Variants in WWOX observed in about 807,000 individuals in gnomAD.
The protein encoded by WWOX is WW domain containing oxidoreductase, also known as WW domain-containing oxidoreductase.
A neutral mutation model predicts 46.2 loss-of-function variants in WWOX; 69 were observed. The observed-to-expected ratio is 1.49, with a 90% CI of 1.23 to 1.82. The LOEUF (loss-of-function observed/expected upper bound fraction) is 1.82, where lower values mean the gene tolerates loss of function less well. Ranked by LOEUF, WWOX falls within the 40% of genes most tolerant of loss-of-function variation. The probability of loss-of-function intolerance (pLI) is 0.00; values close to 1 mark genes in which losing one functional copy is unlikely to be tolerated. For missense variants in WWOX, 919 were observed against 542.6 expected, an observed-to-expected ratio of 1.69 and a Z score of -6.89; for synonymous variants, 359 against 202.6, an observed-to-expected ratio of 1.77 and a Z score of -6.56.
At chr16:79,147,624 G>A (rs2050205249) in intron 8 of WWOX, among the ~76,000 whole-genome samples, 1 of 152,162 alleles carries the variant, frequency 6.6e-6, no homozygotes, top group Non-Finnish European at 1.5e-5. Context: ...AATGCAATTG[G>A]TGGGTTGTAG....
chr16:79,121,016 G>A (rs1384608877), intron 8 of WWOX, among the ~76,000 whole-genome samples: 1 of 152,180 alleles, frequency 6.6e-6, no homozygotes, highest in Admixed American at 6.5e-5. Flanking sequence ...TGATCCACCT[G>A]CCTTGGCCTC....
At chr16:78,929,059 A>G (rs556781751) in intron 8 of WWOX, among the ~76,000 whole-genome samples, 137 of 152,304 alleles carry the variant, frequency 9.0e-4, no homozygotes, top group Non-Finnish European at 1.8e-3. Flanking sequence ...TTTTGCCTTC[A>G]AATCATTGCA....
chr16:79,108,170 C>T (rs1294990383), intron 8 of WWOX, among the ~76,000 whole-genome samples: 2 of 152,200 alleles, frequency 1.3e-5, no homozygotes, highest in African/African-American at 2.4e-5. Context: ...GGCAAGGAAG[C>T]CCACTAGTCC....
chr16:78,993,131 A>G (rs751996679), intron 8 of WWOX, among the ~76,000 whole-genome samples: 4 of 152,032 alleles, frequency 2.6e-5, no homozygotes, highest in Non-Finnish European at 4.4e-5. Context: ...TAAATTACCA[A>G]TTTCATAGGC....
In WWOX at chr16:78,713,431, A is replaced by C. The variant is rs78751475; in HGVS notation, c.1056+280679A>C. 6.3e-4 allele frequency among the ~76,000 whole-genome samples: 96 copies of C among 152,212 alleles called. 1 individual carries two copies. The East Asian group carries it at 0.012, about 19-fold the overall frequency. ...TTATTTGGTATCTGTTAGGAGCTGA[A>C]TTATGTGTCCCCAAAATTCATGTGA... On this transcript the variant is annotated intron_variant, in intron 8 of 8. Transcript: ENST00000566780.
chr16:79,187,125 C>T (rs563928912), intron 8 of WWOX, among the ~76,000 whole-genome samples: 5 of 152,236 alleles, frequency 3.3e-5, no homozygotes, highest in Admixed American at 6.5e-5. Flanking sequence ...GAGCCGAACC[C>T]CCTGGGTTCA....
intron 8 of WWOX, among the ~76,000 whole-genome samples, chr16:78,773,541 G>A (rs371462320): frequency 6.6e-6 from 1 of 152,180 alleles, no homozygotes; most frequent in African/African-American, 2.4e-5. Context: ...GGAAAACGCT[G>A]TTACTATTCT....
At chr16:79,026,245 G>T (rs1159469710) in intron 8 of WWOX, among the ~76,000 whole-genome samples, 1 of 151,596 alleles carries the variant, frequency 6.6e-6, no homozygotes. Context: ...TCCCTTCTCT[G>T]TGCTTTAGTC....
chr16:78,573,970 C>G (rs533347785), intron 8 of WWOX, among the ~76,000 whole-genome samples: 1 of 152,178 alleles, frequency 6.6e-6, no homozygotes, highest in African/African-American at 2.4e-5. Flanking sequence ...CATATATTGG[C>G]CAGGGTGTGT....
chr16:78,193,090 G>C (rs1415449547), intron 5 of WWOX, among the ~76,000 whole-genome samples: 4 of 152,342 alleles, frequency 2.6e-5, no homozygotes, highest in East Asian at 3.9e-4. Context: ...GATGTCATCA[G>C]GGCCTGCAGA....
At chr16:79,185,136 G>A (rs2050987677) in intron 8 of WWOX, among the ~76,000 whole-genome samples, 1 of 152,180 alleles carries the variant, frequency 6.6e-6, no homozygotes, top group African/African-American at 2.4e-5. Context: ...TGGCTGAGGG[G>A]GAGAGGCCCC....
At position 78,710,473 on chromosome 16, in the gene WWOX, C is replaced by CATATATATATATAT. The variant is rs544025863; in HGVS notation, c.1056+277734_1056+277747dup. On this transcript the variant is annotated intron_variant, in intron 8 of 8. Coordinates refer to ENST00000566780, the MANE Select transcript of WWOX (RefSeq NM_016373.4). ...TGATGCAATTAAAGCTAATGGATCT[C>CATATATATATATAT]ATATATATATATATATATATATATA... 5.1e-3 allele frequency among the ~76,000 whole-genome samples: 323 copies of CATATATATATATAT among 63,536 alleles called. 11 individuals are homozygous for CATATATATATATAT. The highest frequency in any genetic ancestry group is 0.011 in the South Asian group (20 of 1,860). The allele number at this position is 63,536 out of a possible 152,430, so 41.7% of individuals were successfully genotyped here.
intron 8 of WWOX, among the ~76,000 whole-genome samples, chr16:78,819,660 A>G (rs1173552759): frequency 1.3e-5 from 2 of 152,178 alleles, no homozygotes; most frequent in African/African-American, 4.8e-5. Context: ...TGCTAACACC[A>G]CCACCTTGCC....
intron 5 of WWOX, among the ~76,000 whole-genome samples, chr16:78,251,135 A>C (rs961476465): frequency 1.3e-5 from 2 of 152,216 alleles, no homozygotes; most frequent in Non-Finnish European, 2.9e-5. Flanking sequence ...GCTGAGGATC[A>C]GGGAGTGGAA....
At chr16:78,573,824 A>T (rs753719937) in intron 8 of WWOX, among the ~76,000 whole-genome samples, 3 of 152,196 alleles carry the variant, frequency 2.0e-5, no homozygotes, top group Non-Finnish European at 2.9e-5. Context: ...ATCATTCACT[A>T]TTCTTGCTAC....
At chr16:78,795,516 G>T (rs1347509471) in intron 8 of WWOX, among the ~76,000 whole-genome samples, 2 of 152,082 alleles carry the variant, frequency 1.3e-5, no homozygotes, top group East Asian at 1.9e-4. Flanking sequence ...TGGCTTCTTA[G>T]TCCACTGCTG....
At chr16:78,784,387 C>T (rs7191931) in intron 8 of WWOX, among the ~76,000 whole-genome samples, 105,049 of 151,832 alleles carry the variant, frequency 0.69, 36,632 homozygotes, top group African/African-American at 0.74. Flanking sequence ...AATCAGAAAT[C>T]TGTGACTCCA....
At chr16:78,848,051 T>C (rs1441986378) in intron 8 of WWOX, among the ~76,000 whole-genome samples, 1 of 152,094 alleles carries the variant, frequency 6.6e-6, no homozygotes. Context: ...TCTAGAGTCA[T>C]CTAGCTACTA....
At chr16:78,977,184 T>C (rs919975083) in intron 8 of WWOX, among the ~76,000 whole-genome samples, 1 of 152,214 alleles carries the variant, frequency 6.6e-6, no homozygotes, top group African/African-American at 2.4e-5. Flanking sequence ...AGTGTTTGTT[T>C]TGAACCACTT....
Sources: allele counts gnomAD v4.1 joint callset (sites outside exome capture counted in the v4.1 genomes callset), GRCh38; gene constraint gnomAD v4.1.1; transcripts MANE v1.5; gene names NCBI Gene and HGNC (gene_info 2026-07-23, HGNC 2026-07-21).